Variants in TTLL5 observed in about 807,000 individuals in gnomAD.
TTLL5 encodes tubulin tyrosine ligase like 5.
A neutral mutation model predicts 168.4 loss-of-function variants in TTLL5; 132 were observed. The observed-to-expected ratio is 0.78, with a 90% CI of 0.68 to 0.91. TTLL5 has a LOEUF of 0.91. Among genes scored for constraint, TTLL5 ranks in the 40% least tolerant of loss-of-function variants. TTLL5 has a pLI of 0.00. For synonymous variants in TTLL5, 546 were observed against 558.6 expected (o/e 0.98, Z 0.32); for missense variants, 1,545 against 1,581.5 (o/e 0.98, Z 0.39).
chr14:75,735,436 C>T lies in TTLL5; in HGVS notation c.1281+147C>T, dbSNP rs182209067. On this transcript the variant is annotated intron_variant, in intron 15 of 31. Coordinates refer to ENST00000298832, the MANE Select transcript of TTLL5 (RefSeq NM_015072.5). ...ACTCTAGACAGGAGGCAGTTATATT[C>T]AGCTGTGGCTAATAGCTTATGCTTT... 2.4e-4 allele frequency: 172 copies of T among 702,284 alleles called. No homozygotes were observed. In the African/African-American group the frequency reaches 2.7e-3, roughly 11 times the overall value. 43.5% of individuals were successfully genotyped at this position (702,284 alleles called of 1,614,324 possible).
At chr14:75,884,069 A>T in intron 30 of TTLL5, among the ~76,000 whole-genome samples, 1 of 152,244 alleles carries the variant, frequency 6.6e-6, no homozygotes, top group Admixed American at 6.5e-5. Flanking sequence ...AAAATAAAAC[A>T]ATAAGAGTAT....
chr14:75,661,809 C>T (rs1890746784), intron 1 of TTLL5, among the ~76,000 whole-genome samples: 2 of 151,960 alleles, frequency 1.3e-5, no homozygotes, highest in Admixed American at 6.6e-5. Flanking sequence ...TGAAGAAAGC[C>T]ATTGAAGTTG....
chr14:75,835,852 C>G (rs1453147960), intron 28 of TTLL5, among the ~76,000 whole-genome samples: 1 of 152,136 alleles, frequency 6.6e-6, no homozygotes, highest in African/African-American at 2.4e-5. Flanking sequence ...GAGATACCAT[C>G]TCACCCCAGT....
intron 31 of TTLL5, among the ~76,000 whole-genome samples, chr14:75,953,248 C>A (rs149815120): frequency 6.6e-6 from 1 of 152,208 alleles, no homozygotes; most frequent in Non-Finnish European, 1.5e-5. Flanking sequence ...GGCAATACTG[C>A]TCCACATGTA....
chr14:75,926,114 G>GAGGGAGAGGGAA (rs950206273), intron 31 of TTLL5, among the ~76,000 whole-genome samples: 10 of 133,322 alleles, frequency 7.5e-5, no homozygotes, highest in African/African-American at 2.9e-4. Context: ...GGGAGAGGGA[G>GAGGGAGAGGGAA]AACTTGTCTA....
chr14:75,925,382 C>T (rs1475663420), intron 31 of TTLL5, among the ~76,000 whole-genome samples: 3 of 140,714 alleles, frequency 2.1e-5, no homozygotes, highest in African/African-American at 2.7e-5. Context: ...GACGGGGTCG[C>T]GACCGGGCAG....
Position 75,889,130 on chromosome 14 carries a change from G to T in TTLL5, c.3740+6228G>T, listed in dbSNP as rs140320767. Among the ~76,000 whole-genome samples, 46 of 152,306 alleles carry T rather than the reference G, an allele frequency of 3.0e-4. No homozygotes were observed. In the East Asian group the frequency reaches 8.7e-3, roughly 29 times the overall value. On this transcript the variant is annotated intron_variant, in intron 30 of 31. Transcript: ENST00000298832. ...GAGCAAGGGGCCTGCAGTCAGGGAG[G>T]ATTGCACAGAGATGAGAACTACGTA...
intron 6 of TTLL5, among the ~76,000 whole-genome samples, chr14:75,694,988 A>G (rs1594883737): frequency 1.3e-5 from 2 of 152,218 alleles, no homozygotes; most frequent in African/African-American, 4.8e-5. Context: ...AAATCTGGGC[A>G]CCTTGAAAAA....
chr14:75,682,960 A>C (rs1250539866), intron 4 of TTLL5, among the ~76,000 whole-genome samples: 1 of 151,858 alleles, frequency 6.6e-6, no homozygotes, highest in Non-Finnish European at 1.5e-5. Flanking sequence ...TTTTATAGAG[A>C]CAGGGTCTTA....
intron 12 of TTLL5, 43 bp from the exon 13 acceptor site, chr14:75,732,295 C>T: frequency 6.4e-7 from 1 of 1,566,212 alleles, no homozygotes; most frequent in African/African-American, 1.4e-5. Context: ...GTAGTTGTGA[C>T]ATGGAAAATG....
intron 17 of TTLL5, among the ~76,000 whole-genome samples, chr14:75,750,118 T>G (rs1889856837): frequency 6.6e-6 from 1 of 152,102 alleles, no homozygotes; most frequent in South Asian, 2.1e-4. Flanking sequence ...TTGGGTCAGA[T>G]ATTCTGATCT....
intron 31 of TTLL5, 128 bp from the exon 32 acceptor site, chr14:75,954,296 A>AACTTCAT (rs2035050382): frequency 2.2e-6 from 2 of 892,012 alleles, no homozygotes; most frequent in Admixed American, 2.1e-5. Context: ...CTTAGAGGTG[A>AACTTCAT]ACTTCATTTA....
intron 28 of TTLL5, among the ~76,000 whole-genome samples, chr14:75,847,061 G>C (rs745386718): frequency 6.6e-6 from 1 of 151,882 alleles, no homozygotes; most frequent in Non-Finnish European, 1.5e-5. Flanking sequence ...CAGTATAGTG[G>C]CACAATCTCA....
At chr14:75,928,291 G>A (rs2034143532) in intron 31 of TTLL5, among the ~76,000 whole-genome samples, 1 of 140,408 alleles carries the variant, frequency 7.1e-6, no homozygotes, top group Non-Finnish European at 1.5e-5. Context: ...CCTGACACCT[G>A]AGTTATTAAA....
At chr14:75,813,119 T>C (rs1437151714) in intron 27 of TTLL5, among the ~76,000 whole-genome samples, 5 of 152,094 alleles carry the variant, frequency 3.3e-5, no homozygotes, top group Non-Finnish European at 7.4e-5. Context: ...CAACCTCAGT[T>C]TCCCCATCTA....
chr14:75,695,567 A>G (rs1885777908), intron 6 of TTLL5, among the ~76,000 whole-genome samples: 1 of 152,098 alleles, frequency 6.6e-6, no homozygotes. Context: ...AGGGGGCATC[A>G]TGGAACCTGC....
intron 29 of TTLL5, among the ~76,000 whole-genome samples, chr14:75,881,055 A>C (rs551866421): frequency 6.6e-6 from 1 of 152,242 alleles, no homozygotes; most frequent in South Asian, 2.1e-4. Context: ...CTGGGACTAC[A>C]GGCAGGCACC....
chr14:75,667,838 G>C (rs1340799896), intron 2 of TTLL5, among the ~76,000 whole-genome samples: 2 of 139,434 alleles, frequency 1.4e-5, no homozygotes, highest in Non-Finnish European at 3.0e-5. Flanking sequence ...TTGGTTCACT[G>C]CAACCTCCGC....
At chr14:75,783,617 T>A (rs1892185103) in intron 26 of TTLL5, 87 bp downstream of exon 26, 3 of 1,512,306 alleles carry the variant, frequency 2.0e-6, no homozygotes, top group Admixed American at 4.3e-5. Flanking sequence ...CCTTTGCCTT[T>A]TTTTAAATTT....
Sources: allele counts gnomAD v4.1 joint callset (sites outside exome capture counted in the v4.1 genomes callset), GRCh38; gene constraint gnomAD v4.1.1; transcripts MANE v1.5; gene names NCBI Gene and HGNC (gene_info 2026-07-23, HGNC 2026-07-21).